ATR: variants seen among roughly 807,000 people sequenced by gnomAD.
ATR encodes the protein ATR checkpoint kinase.
A neutral mutation model predicts 305.3 loss-of-function variants in ATR; 142 were observed. The ratio of observed to expected loss-of-function variants is 0.47; its 90% CI spans 0.41 to 0.53. ATR has a LOEUF of 0.53. Ranked by LOEUF, ATR falls within the 20% of genes least tolerant of loss-of-function variation. ATR has a pLI of 0.00. For missense variants in ATR, 2,135 were observed against 3,133.1 expected (o/e 0.68, Z 7.60); for synonymous variants, 1,050 against 1,068.1 (o/e 0.98, Z 0.33).
intron 16 of ATR, among the ~76,000 whole-genome samples, chr3:142,544,452 C>CAAAAA (rs57120276): frequency 2.1e-4 from 4 of 18,970 alleles, no homozygotes; most frequent in Non-Finnish European, 3.1e-4. Flanking sequence ...ATCCTGCCTC[C>CAAAAA]AAAAAAAAAA....
chr3:142,489,880 C>T (rs935746949), intron 35 of ATR, among the ~76,000 whole-genome samples: 3 of 152,184 alleles, frequency 2.0e-5, no homozygotes, highest in African/African-American at 7.2e-5. Flanking sequence ...GCATTTATTG[C>T]ATTAATAGGT....
At chr3:142,512,491 T>C (rs2108372857) in intron 26 of ATR, 21 bp from the exon 27 acceptor site, 1 of 1,524,856 alleles carries the variant, frequency 6.6e-7, no homozygotes, top group Non-Finnish European at 9.0e-7. Context: ...CATTTATAAT[T>C]AATAATAATA....
chr3:142,514,892 C>CA (rs1222825222), intron 25 of ATR, among the ~76,000 whole-genome samples: 1 of 149,658 alleles, frequency 6.7e-6, no homozygotes, highest in East Asian at 2.0e-4. Flanking sequence ...TCTTGGAACA[C>CA]AGAGTACCTT....
At chr3:142,468,158 G>A (rs2071175017) in intron 38 of ATR, 90 bp from the exon 39 acceptor site, 1 of 1,458,046 alleles carries the variant, frequency 6.9e-7, no homozygotes, top group Non-Finnish European at 9.4e-7. Context: ...AACTTAAAAA[G>A]TATTCATGAT....
intron 16 of ATR, among the ~76,000 whole-genome samples, chr3:142,544,431 G>A (rs1468524023): frequency 1.3e-5 from 1 of 79,534 alleles, no homozygotes; most frequent in African/African-American, 4.6e-5. Context: ...CAGCCTGGGT[G>A]ACAGAGCAAA....
intron 21 of ATR, among the ~76,000 whole-genome samples, chr3:142,524,487 A>G (rs546443085): frequency 1.3e-5 from 2 of 152,352 alleles, no homozygotes; most frequent in African/African-American, 4.8e-5. Context: ...CAGTAAAACA[A>G]GTCTTAACAA....
intron 46 of ATR, chr3:142,452,179 T>C: frequency 9.9e-7 from 1 of 1,008,530 alleles, no homozygotes; most frequent in Non-Finnish European, 1.2e-6. Flanking sequence ...CGTACAGGTC[T>C]AGCCTTCCTC....
At chr3:142,493,354 A>G in intron 34 of ATR, 43 bp from the exon 35 acceptor site, 1 of 1,539,856 alleles carries the variant, frequency 6.5e-7, no homozygotes, top group Non-Finnish European at 8.8e-7. Flanking sequence ...ATTTAAAAAC[A>G]TACTTCTATT....
chr3:142,495,031 G>C (rs986879737), intron 34 of ATR, among the ~76,000 whole-genome samples: 7 of 152,194 alleles, frequency 4.6e-5, no homozygotes, highest in African/African-American at 1.7e-4. Context: ...AGCTGGATGT[G>C]AAAAGTGAGG....
intron 7 of ATR, 51 bp downstream of exon 7, chr3:142,559,200 A>C (rs750888245): frequency 6.4e-7 from 1 of 1,571,958 alleles, no homozygotes; most frequent in Non-Finnish European, 8.7e-7. Context: ...GCATATTTCT[A>C]TACTGATTAT....
chr3:142,452,166 GGGCGTACA>G, intron 46 of ATR: 1 of 1,015,302 alleles, frequency 9.8e-7, no homozygotes, highest in South Asian at 4.0e-5. Flanking sequence ...TGAAGGATGG[GGGCGTACA>G]GGTCTAGCCT....
rs1344180325 is a variant in ATR at position 142,457,737 on chromosome 3, G to C, written c.7522C>G (p.Pro2508Ala). ...LFNKGETFEV[P>A]EIVPFRLTHN... Reference sequence around the variant, plus strand: ...GTCAGGCGAAATGGCACAATTTCTGGAACTTCAAAGGTTTCTCCCTTAGAA... The same window carrying C: ...GTCAGGCGAAATGGCACAATTTCTGCAACTTCAAAGGTTTCTCCCTTAGAA... Residue 2508 changes from proline (P) to alanine (A), a missense_variant, in exon 45 of 47, where the codon CCA becomes GCA. Physicochemically the swap from Pro to Ala is conservative, Grantham distance 27 (BLOSUM62 -1). Coordinates refer to ENST00000350721, the MANE Select transcript of ATR (RefSeq NM_001184.4). 2.5e-6 allele frequency: 4 copies of C among 1,613,764 alleles called. No homozygotes were observed. The highest frequency in any genetic ancestry group is 3.4e-6 in the Non-Finnish European group (4 of 1,179,854).
intron 41 of ATR, among the ~76,000 whole-genome samples, chr3:142,464,824 T>C (rs545626367): frequency 6.6e-6 from 1 of 152,300 alleles, no homozygotes; most frequent in Admixed American, 6.5e-5. Flanking sequence ...TGAATGTACT[T>C]AATGCCACTG....
chr3:142,450,692 G>T (rs1272729092), intron 46 of ATR: 6 of 1,592,848 alleles, frequency 3.8e-6, no homozygotes, highest in South Asian at 2.2e-5. Context: ...CTGATTAAGG[G>T]TGCAACAAAA....
chr3:142,489,050 G>A (rs2031124669), intron 35 of ATR, among the ~76,000 whole-genome samples: 1 of 151,888 alleles, frequency 6.6e-6, no homozygotes, highest in Non-Finnish European at 1.5e-5. Flanking sequence ...AAAAATTTTA[G>A]GCTGGGCATA....
chr3:142,522,723 C>A lies in ATR; in HGVS notation c.4266+5G>T. On this transcript the variant is annotated splice_donor_5th_base_variant and intron_variant, in intron 23 of 46. Transcript: ENST00000350721. The stretch of plus-strand genomic sequence containing the variant: ...AAAGCCAGTAATGACTATATCCACT[C>A]TTACCTGAATGGCATAGGCAGCTGA... 6.2e-7 allele frequency: 1 copy of A among 1,603,246 alleles called. No individual in the cohort carries two copies. The highest frequency in any genetic ancestry group is 8.5e-7 in the Non-Finnish European group (1 of 1,170,174).
chr3:142,506,178 C>A (rs2032225524), intron 28 of ATR, among the ~76,000 whole-genome samples: 1 of 152,112 alleles, frequency 6.6e-6, no homozygotes, highest in South Asian at 2.1e-4. Flanking sequence ...CTAGACAATT[C>A]CTTCAAAAAC....
intron 1 of ATR, among the ~76,000 whole-genome samples, chr3:142,575,019 A>G (rs563542696): frequency 4.0e-5 from 6 of 150,696 alleles, no homozygotes; most frequent in Non-Finnish European, 8.9e-5. Context: ...TTAAGGAAGT[A>G]AAAATTAAGC....
At chr3:142,484,493 A>G (rs2030777842) in intron 36 of ATR, among the ~76,000 whole-genome samples, 1 of 151,894 alleles carries the variant, frequency 6.6e-6, no homozygotes, top group Non-Finnish European at 1.5e-5. Flanking sequence ...CCTGTGCCGG[A>G]CCCCTCCAGA....
Sources: allele counts gnomAD v4.1 joint callset (sites outside exome capture counted in the v4.1 genomes callset), GRCh38; gene constraint gnomAD v4.1.1; transcripts MANE v1.5; gene names NCBI Gene and HGNC (gene_info 2026-07-23, HGNC 2026-07-21).